Variants in ZNF736 observed in about 807,000 individuals in gnomAD.
ZNF736 encodes KRAB-containing zinc-finger repressor protein.
A neutral mutation model predicts 11.7 loss-of-function variants in ZNF736; 6 were observed. The ratio of observed to expected loss-of-function variants is 0.51; its 90% CI spans 0.28 to 1.01. ZNF736 has a LOEUF of 1.01. ZNF736 is among the 50% of genes least tolerant of loss of function. The pLI is 0.09. For synonymous variants in ZNF736, 139 were observed against 164.7 expected (o/e 0.84, Z 1.19); for missense variants, 444 against 496.0 (o/e 0.90, Z 1.00).
intron 3 of ZNF736, among the ~76,000 whole-genome samples, chr7:64,345,682 C>A (rs1056998960): frequency 1.5e-5 from 2 of 131,484 alleles, no homozygotes; most frequent in Admixed American, 1.8e-4. Flanking sequence ...TGCAGTGAGC[C>A]GAGATCGTGC....
At position 64,336,920 on chromosome 7, in the gene ZNF736, G is replaced by A. The variant is rs1199029983; in HGVS notation, c.164G>A (p.Cys55Tyr). 6.2e-7 allele frequency: 1 copy of A among 1,603,364 alleles called. No homozygotes were observed. Among genetic ancestry groups the A allele is most frequent in the Admixed American group, 1.7e-5 (1 of 58,098 alleles). The change falls in exon 3 of 4, where the codon TGT becomes TAT. Residue 55 changes from cysteine to tyrosine, a missense_variant. Cys to Tyr is a radical substitution (Grantham distance 194, BLOSUM62 -2). Coordinates refer to ENST00000423484, the MANE Select transcript of ZNF736 (RefSeq NM_001170905.3). ...LAIFKPDLMT[C>Y]LEQRKEPWKV... ...ATCTTTAAGCCAGACTTGATGACCT[G>A]TCTGGAGCAAAGAAAAGAGCCTTGG...
At chr7:64,331,788 G>A (rs1396000808) in intron 1 of ZNF736, among the ~76,000 whole-genome samples, 1 of 152,158 alleles carries the variant, frequency 6.6e-6, no homozygotes, top group African/African-American at 2.4e-5. Context: ...GCTTGGATTT[G>A]GTAGAGGCAG....
intron 1 of ZNF736, among the ~76,000 whole-genome samples, chr7:64,326,134 C>T (rs539866196): frequency 6.6e-6 from 1 of 152,032 alleles, no homozygotes; most frequent in South Asian, 2.1e-4. Flanking sequence ...TCTCTTGTAC[C>T]ATTTTAGAGT....
chr7:64,328,049 A>C (rs1789105774), intron 1 of ZNF736, among the ~76,000 whole-genome samples: 1 of 151,816 alleles, frequency 6.6e-6, no homozygotes, highest in Non-Finnish European at 1.5e-5. Flanking sequence ...TCTTCTCAAA[A>C]TATGAATAGT....
At chr7:64,325,172 A>G (rs1466426375) in intron 1 of ZNF736, among the ~76,000 whole-genome samples, 2 of 152,242 alleles carry the variant, frequency 1.3e-5, no homozygotes, top group Non-Finnish European at 2.9e-5. Context: ...AGTTGTAAAA[A>G]AAAAAAAAAG....
intron 1 of ZNF736, among the ~76,000 whole-genome samples, chr7:64,328,544 A>G (rs1197351204): frequency 6.6e-6 from 1 of 152,074 alleles, no homozygotes; most frequent in African/African-American, 2.4e-5. Flanking sequence ...GCGGATCACA[A>G]GGTCAGGAGA....
intron 1 of ZNF736, among the ~76,000 whole-genome samples, chr7:64,330,243 G>T (rs143233558): frequency 6.6e-6 from 1 of 151,934 alleles, no homozygotes; most frequent in East Asian, 2.0e-4. Context: ...TGCAAGCTCC[G>T]CCTCCCGGGT....
Position 64,349,284 on chromosome 7 carries a change from A to T in ZNF736, c.*137A>T. The T allele has an allele frequency of 1.2e-6, 1 of 804,368 alleles. No individual in the cohort carries two copies. Among genetic ancestry groups the T allele is most frequent in the Non-Finnish European group, 1.9e-6 (1 of 538,144 alleles). The allele number at this position is 804,368 out of a possible 1,614,324, so 49.8% of individuals were successfully genotyped here. On this transcript the variant is annotated 3_prime_UTR_variant, in exon 4 of 4. Transcript: ENST00000423484. ...GAGGGTCTCTAAGAACTTACTTTAT[A>T]ATCTGGTTGCTTATATGTTGGGTAC...
chr7:64,342,327 A>G (rs1053617412), intron 3 of ZNF736, among the ~76,000 whole-genome samples: 2 of 152,190 alleles, frequency 1.3e-5, no homozygotes, highest in East Asian at 3.8e-4. Flanking sequence ...GAGAACTTTT[A>G]TCAGAGCACA....
chr7:64,350,662 T>C lies in ZNF736; in HGVS notation c.*1515T>C, dbSNP rs1789473014. 2 of 151,882 alleles carry C rather than the reference T, an allele frequency of 1.3e-5. No individual in the cohort carries two copies. Among genetic ancestry groups the C allele is most frequent in the Admixed American group, 1.3e-4 (2 of 15,090 alleles). 9.4% of individuals were successfully genotyped at this position (151,882 alleles called of 1,614,324 possible). A position where few individuals can be genotyped will look rare whatever the true frequency, so the allele number is the denominator to read the frequency against. ...TATCTTTGTGGGCATATCTTTGAGGTTGCTGACCTTTGGGCTTTTTTTTTT... is the reference window on the plus strand; with the variant it reads ...TATCTTTGTGGGCATATCTTTGAGGCTGCTGACCTTTGGGCTTTTTTTTTT... On this transcript the variant is annotated 3_prime_UTR_variant, in exon 4 of 4. Coordinates refer to ENST00000423484, the MANE Select transcript of ZNF736 (RefSeq NM_001170905.3).
chr7:64,336,136 A>C, intron 1 of ZNF736, 123 bp from the exon 2 acceptor site: 1 of 1,087,488 alleles, frequency 9.2e-7, no homozygotes, highest in South Asian at 1.6e-5. Context: ...GCTAGAAAGT[A>C]TCCTACTGGA....
At position 64,313,982 on chromosome 7, in the gene ZNF736, G is replaced by A. The variant is rs571634531; in HGVS notation, c.-169G>A. 188 of 843,840 alleles carry A rather than the reference G, an allele frequency of 2.2e-4. No homozygotes were observed. Among genetic ancestry groups the A allele is most frequent in the Middle Eastern group, 3.5e-4 (1 of 2,870 alleles). 52.3% of individuals were successfully genotyped at this position (843,840 alleles called of 1,614,324 possible). A position where few individuals can be genotyped will look rare whatever the true frequency, so the allele number is the denominator to read the frequency against. On this transcript the variant is annotated 5_prime_UTR_variant, in exon 1 of 4. Transcript: ENST00000423484. ...AGAGGCGGCCTCTTCAATATGGCGG[G>A]GCCTTTGTCTCCTAGCTTCCGGGCT...
At chr7:64,331,122 G>A (rs774219401) in intron 1 of ZNF736, among the ~76,000 whole-genome samples, 3 of 152,170 alleles carry the variant, frequency 2.0e-5, no homozygotes, top group Non-Finnish European at 4.4e-5. Flanking sequence ...AAAGCACCAG[G>A]ATTTGCCCAG....
rs1789466839 is a variant in ZNF736, at chr7:64,350,168, C to T, written c.*1021C>T. On this transcript the variant is annotated 3_prime_UTR_variant, in exon 4 of 4. Transcript: ENST00000423484. ...ATACGTATTTCAAGTTGTTTTCATT[C>T]TCCCCATCACTTTCAGGCAATCTCT... 1 of 152,152 alleles carries T rather than the reference C, an allele frequency of 6.6e-6. No individual in the cohort carries two copies. Among genetic ancestry groups the T allele is most frequent in the Non-Finnish European group, 1.5e-5 (1 of 68,022 alleles). The allele number at this position is 152,152 out of a possible 1,614,324, so 9.4% of individuals were successfully genotyped here.
chr7:64,321,471 A>C (rs1305413880), intron 1 of ZNF736, among the ~76,000 whole-genome samples: 2 of 152,230 alleles, frequency 1.3e-5, no homozygotes, highest in African/African-American at 4.8e-5. Context: ...CCAGGGCTAG[A>C]CTGCCAGTAT....
intron 1 of ZNF736, among the ~76,000 whole-genome samples, chr7:64,325,325 C>T (rs1032389219): frequency 1.4e-4 from 22 of 152,196 alleles, no homozygotes; most frequent in Admixed American, 3.3e-4. Context: ...CATCTTATTT[C>T]ACTAGAGCTT....
At chr7:64,331,127 G>T (rs2115910829) in intron 1 of ZNF736, among the ~76,000 whole-genome samples, 1 of 152,272 alleles carries the variant, frequency 6.6e-6, no homozygotes, top group South Asian at 2.1e-4. Flanking sequence ...ACCAGGATTT[G>T]CCCAGGAGTT....
Position 64,330,405 on chromosome 7 carries a change from C to T in ZNF736, c.4-5854C>T, listed in dbSNP as rs7806005. The stretch of plus-strand genomic sequence containing the variant: ...ATCTCCTGACCTCGTGATCCGACCG[C>T]CTTGGCCTCCCAAAGTGCTGGGATT... On this transcript the variant is annotated intron_variant, in intron 1 of 3. Coordinates refer to ENST00000423484, the MANE Select transcript of ZNF736 (RefSeq NM_001170905.3). 9.1e-3 allele frequency among the ~76,000 whole-genome samples: 1,386 copies of T among 152,128 alleles called. 27 individuals are homozygous for T. The highest frequency in any genetic ancestry group is 0.029 in the African/African-American group (1,208 of 41,500).
chr7:64,339,243 G>C (rs1179681202), intron 3 of ZNF736, among the ~76,000 whole-genome samples: 1 of 151,906 alleles, frequency 6.6e-6, no homozygotes, highest in African/African-American at 2.4e-5. Flanking sequence ...TATCAGATAT[G>C]GTTTTCTTAT....
Sources: gnomAD v4.1 joint callset for allele counts (sites outside exome capture counted in the v4.1 genomes callset) on GRCh38, gnomAD v4.1.1 for gene constraint, MANE v1.5 for transcripts, NCBI Gene and HGNC (gene_info 2026-07-23, HGNC 2026-07-21) for gene names.